The following PTPRT variants were observed in gnomAD, a reference collection of about 807,000 sequenced individuals.
PTPRT encodes the protein receptor-type tyrosine-protein phosphatase T.
PTPRT carries 56 observed loss-of-function variants against 176.8 expected under a neutral mutation model. The ratio of observed to expected loss-of-function variants is 0.32; its 90% CI spans 0.26 to 0.40. PTPRT has a LOEUF of 0.40. Ranked by LOEUF, PTPRT falls within the 10% of genes least tolerant of loss-of-function variation. The pLI, the probability that PTPRT is intolerant of heterozygous loss-of-function variation, is 1.00. For synonymous variants in PTPRT, 783 were observed against 739.0 expected (o/e 1.06, Z -0.96); for missense variants, 1,540 against 1,908.2 (o/e 0.81, Z 3.60).
At chr20:42,318,807 T>A (rs2057757577) in intron 11 of PTPRT, among the ~76,000 whole-genome samples, 1 of 152,166 alleles carries the variant, frequency 6.6e-6, no homozygotes, top group African/African-American at 2.4e-5. Flanking sequence ...CCTTCTGTCA[T>A]CTTTCCCCTC....
intron 10 of PTPRT, 149 bp from the exon 11 acceptor site, chr20:42,350,879 G>A: frequency 6.5e-6 from 4 of 618,668 alleles, no homozygotes; most frequent in Non-Finnish European, 1.1e-5. Flanking sequence ...CAGGCCTTCA[G>A]TAAAGGAGGC....
intron 22 of PTPRT, among the ~76,000 whole-genome samples, chr20:42,112,542 T>TG (rs138226727): frequency 6.6e-6 from 1 of 152,132 alleles, no homozygotes; most frequent in African/African-American, 2.4e-5. Context: ...TTTACCCTTA[T>TG]GGGGGGCACC....
intron 12 of PTPRT, among the ~76,000 whole-genome samples, chr20:42,302,662 G>T (rs945716352): frequency 4.6e-5 from 7 of 152,146 alleles, no homozygotes; most frequent in East Asian, 3.9e-4. Flanking sequence ...CTGGATTGTG[G>T]GTTCGCTGAG....
intron 1 of PTPRT, among the ~76,000 whole-genome samples, chr20:42,893,194 G>A (rs2079225897): frequency 6.6e-6 from 1 of 152,160 alleles, no homozygotes; most frequent in African/African-American, 2.4e-5. Flanking sequence ...TCACAAAGTG[G>A]CCAAAGGATA....
intron 1 of PTPRT, among the ~76,000 whole-genome samples, chr20:43,112,008 A>T (rs777294592): frequency 6.6e-5 from 10 of 152,096 alleles, no homozygotes; most frequent in Non-Finnish European, 1.2e-4. Context: ...CACTCTTCTC[A>T]CCTCCCGCCC....
At chr20:43,019,923 A>T (rs1481752545) in intron 1 of PTPRT, among the ~76,000 whole-genome samples, 1 of 151,926 alleles carries the variant, frequency 6.6e-6, no homozygotes, top group East Asian at 1.9e-4. Flanking sequence ...CTTTGGTCTC[A>T]GATTGACAGA....
At chr20:42,433,333 C>A (rs1419146435) in intron 9 of PTPRT, among the ~76,000 whole-genome samples, 2 of 152,112 alleles carry the variant, frequency 1.3e-5, no homozygotes, top group Non-Finnish European at 2.9e-5. Context: ...ACCATAAAGA[C>A]AGATTCTGTA....
intron 27 of PTPRT, among the ~76,000 whole-genome samples, chr20:42,096,029 G>A (rs1211468602): frequency 1.3e-5 from 2 of 152,068 alleles, no homozygotes; most frequent in African/African-American, 4.8e-5. Context: ...GCCATTATCT[G>A]CAACTTTCCT....
intron 9 of PTPRT, among the ~76,000 whole-genome samples, chr20:42,372,439 A>T (rs958862509): frequency 3.3e-5 from 5 of 151,850 alleles, no homozygotes; most frequent in Non-Finnish European, 2.9e-5. Flanking sequence ...ATGCACCACC[A>T]TGCCTAGCTA....
chr20:42,056,051 C>T, the PTPRT span, among the ~76,000 whole-genome samples: 7 of 152,160 alleles, frequency 4.6e-5, no homozygotes, highest in African/African-American at 1.4e-4. Context: ...TGCTATTTAT[C>T]GTTCCTCTGA....
At chr20:42,574,818 C>T (rs1432796557) in intron 7 of PTPRT, among the ~76,000 whole-genome samples, 1 of 152,122 alleles carries the variant, frequency 6.6e-6, no homozygotes, top group Non-Finnish European at 1.5e-5. Flanking sequence ...TTCCCCCTTG[C>T]TGTTCTCATG....
intron 8 of PTPRT, among the ~76,000 whole-genome samples, chr20:42,467,884 T>G (rs1038816456): frequency 1.3e-5 from 2 of 152,206 alleles, no homozygotes; most frequent in African/African-American, 4.8e-5. Flanking sequence ...CAGGAGCCAC[T>G]GTATATAATA....
chr20:43,117,545 T>G lies in PTPRT; in HGVS notation c.88+72101A>C, dbSNP rs899686273. Among the ~76,000 whole-genome samples, 3 of 152,064 alleles carry G rather than the reference T, an allele frequency of 2.0e-5. No individual in the cohort carries two copies. In the East Asian group the frequency reaches 5.8e-4, roughly 29 times the overall value. On this transcript the variant is annotated intron_variant, in intron 1 of 30. Transcript: ENST00000373187. ...GGTGGGGGACAGCCAAGAGCCAGCC[T>G]GGTGAACTGAGCCATATCTCCAAGC...
intron 19 of PTPRT, among the ~76,000 whole-genome samples, chr20:42,127,088 C>G (rs1252621202): frequency 3.3e-5 from 5 of 152,160 alleles, no homozygotes; most frequent in African/African-American, 1.2e-4. Flanking sequence ...GATGGAGGAG[C>G]CAAGATGCCA....
intron 3 of PTPRT, among the ~76,000 whole-genome samples, chr20:42,786,171 G>A (rs950180645): frequency 1.3e-5 from 2 of 152,170 alleles, no homozygotes; most frequent in African/African-American, 4.8e-5. Context: ...CCAGCCATGT[G>A]GAAGTGTGAG....
chr20:42,808,532 C>T (rs546712109), intron 2 of PTPRT, among the ~76,000 whole-genome samples: 1 of 151,982 alleles, frequency 6.6e-6, no homozygotes, highest in Non-Finnish European at 1.5e-5. Context: ...GGAAGAGGAC[C>T]AAAGCAAGTC....
intron 9 of PTPRT, among the ~76,000 whole-genome samples, chr20:42,372,279 C>CTTT (rs10588893): frequency 9.6e-5 from 8 of 83,640 alleles, no homozygotes; most frequent in South Asian, 4.7e-4. Flanking sequence ...TTTCTTAACT[C>CTTT]TTTTTTTTTT....
intron 9 of PTPRT, among the ~76,000 whole-genome samples, chr20:42,378,046 T>TATCTCTTTGAGATTC (rs2058667130): frequency 6.6e-6 from 1 of 152,210 alleles, no homozygotes. Context: ...AATAGAAGGC[T>TATCTCTTTGAGATTC]TAACAGATGT....
chr20:42,767,598 T>A (rs1600715642), intron 5 of PTPRT, among the ~76,000 whole-genome samples: 1 of 151,116 alleles, frequency 6.6e-6, no homozygotes, highest in African/African-American at 2.4e-5. Context: ...GATGGAAGTG[T>A]TTACATCTAT....
Sources: allele counts gnomAD v4.1 joint callset (sites outside exome capture counted in the v4.1 genomes callset), GRCh38; gene constraint gnomAD v4.1.1; transcripts MANE v1.5; gene names NCBI Gene and HGNC (gene_info 2026-07-23, HGNC 2026-07-21).